The following SVIL variants were observed in gnomAD, a reference collection of about 807,000 sequenced individuals.
The protein encoded by SVIL is supervillin, also known as archvillin.
SVIL carries 101 observed loss-of-function variants against 240.4 expected under a neutral mutation model. The observed-to-expected ratio is 0.42, with a 90% CI of 0.36 to 0.50. SVIL has a LOEUF of 0.50. SVIL is among the 20% of genes least tolerant of loss of function. SVIL has a pLI of 0.01. For synonymous variants in SVIL, 999 were observed against 1,100.0 expected, an observed-to-expected ratio of 0.91 and a Z score of 1.82; for missense variants, 2,512 against 2,818.7, an observed-to-expected ratio of 0.89 and a Z score of 2.46.
intron 32 of SVIL, 72 bp downstream of exon 32, chr10:29,470,204 T>A (rs946593219): frequency 1.3e-6 from 2 of 1,557,866 alleles, no homozygotes; most frequent in African/African-American, 2.7e-5. Context: ...GGAGTCTTGG[T>A]ACCCCTGAGC....
chr10:29,524,077 A>G (rs749696090), intron 14 of SVIL, 50 bp from the exon 15 acceptor site: 5 of 1,501,850 alleles, frequency 3.3e-6, no homozygotes, highest in South Asian at 1.3e-5. Flanking sequence ...AATATCATCT[A>G]TATAAATCCT....
Position 29,473,970 on chromosome 10 carries a change from TC to T in SVIL, c.5396del (p.Gly1799GlufsTer5), listed in dbSNP as rs1374703380. 1 of 1,613,620 alleles carries T rather than the reference TC, an allele frequency of 6.2e-7. No homozygotes were observed. The highest frequency in any genetic ancestry group is 1.3e-5 in the African/African-American group (1 of 74,906). ...TGCCGGCTGCCCTCACCGAGTGCTC[TC>T]CCTTCTGGCGACTTCCCACTGCAAA... ...VSTAVGSRQKGEHSVRAAGKE... is the reference protein window; with the variant it reads ...VSTAVGSRQKXEHSVRAAGKE... On this transcript the variant is annotated frameshift_variant, in exon 30 of 38. Coordinates refer to ENST00000355867, the MANE Select transcript of SVIL (RefSeq NM_021738.3). LOFTEE classifies it high-confidence loss of function.
intron 3 of SVIL, among the ~76,000 whole-genome samples, chr10:29,654,362 A>C (rs1958931938): frequency 6.6e-6 from 1 of 152,116 alleles, no homozygotes; most frequent in Non-Finnish European, 1.5e-5. Flanking sequence ...TATATAACAA[A>C]ATTGATTTTG....
rs1947647798 is a variant in SVIL, at chr10:29,488,536, A to G, written c.4348+65T>C. ...ACAGGCAATGAATTACAGAGTCAGG[A>G]CTCCGTATGGGACCAGACAGAAACC... On this transcript the variant is annotated intron_variant, in intron 23 of 37. Coordinates refer to ENST00000355867, the MANE Select transcript of SVIL (RefSeq NM_021738.3). The G allele has an allele frequency of 4.1e-6, 6 of 1,446,874 alleles. No individual in the cohort carries two copies. In the East Asian group the frequency reaches 1.5e-4, roughly 37 times the overall value. 89.6% of individuals were successfully genotyped at this position (1,446,874 alleles called of 1,614,324 possible). A position where few individuals can be genotyped will look rare whatever the true frequency, so the allele number is the denominator to read the frequency against.
At chr10:29,587,682 G>C (rs1370764102) in intron 1 of SVIL, among the ~76,000 whole-genome samples, 1 of 152,154 alleles carries the variant, frequency 6.6e-6, no homozygotes, top group Non-Finnish European at 1.5e-5. Context: ...AACCTCATCA[G>C]AGGACTCCCA....
Position 29,530,658 on chromosome 10 carries a change from CTTT to C in SVIL, c.2052_2054del (p.Lys685del). On this transcript the variant is annotated inframe_deletion, in exon 11 of 38. Transcript: ENST00000355867. ...CGCTCAGCTTGGCTCGTTCATCCAC[CTTT>C]TCTTCATCTGCAAAAAGCCACAAAT... 6.2e-7 allele frequency: 1 copy of C among 1,614,130 alleles called. No homozygotes were observed. Among genetic ancestry groups the C allele is most frequent in the Non-Finnish European group, 8.5e-7 (1 of 1,179,992 alleles).
intron 11 of SVIL, among the ~76,000 whole-genome samples, chr10:29,530,165 C>A (rs979073325): frequency 5.9e-5 from 9 of 151,902 alleles, no homozygotes; most frequent in African/African-American, 2.2e-4. Flanking sequence ...GAGAGTGAGA[C>A]CCTATCTCTA....
chr10:29,579,968 A>G (rs1454041014), intron 1 of SVIL, among the ~76,000 whole-genome samples: 1 of 152,000 alleles, frequency 6.6e-6, no homozygotes, highest in Non-Finnish European at 1.5e-5. Context: ...GCAGATGAGA[A>G]AACCAGGATA....
chr10:29,492,683 C>T (rs554072601), intron 21 of SVIL, among the ~76,000 whole-genome samples: 1 of 152,268 alleles, frequency 6.6e-6, no homozygotes, highest in South Asian at 2.1e-4. Flanking sequence ...TAGTCATGTT[C>T]CCCTGGGAAG....
chr10:29,502,848 C>T (rs1389169410), intron 17 of SVIL, among the ~76,000 whole-genome samples: 2 of 152,158 alleles, frequency 1.3e-5, no homozygotes, highest in Non-Finnish European at 2.9e-5. Flanking sequence ...GGGTTTCTTT[C>T]TCTCTGTATA....
At chr10:29,712,427 C>A (rs998409644) in intron 1 of SVIL, among the ~76,000 whole-genome samples, 2 of 152,144 alleles carry the variant, frequency 1.3e-5, no homozygotes, top group Admixed American at 1.3e-4. Context: ...GAGCCTGGGA[C>A]CTTCTTCCTC....
chr10:29,486,473 T>C lies in SVIL; in HGVS notation c.4570A>G (p.Asn1524Asp). Reference protein sequence around the residue: ...TYIQTIEEGINTHTHAAKDFW... With the variant: ...TYIQTIEEGIDTHTHAAKDFW... ...TCTTTGGCTGCATGAGTGTGTGTAT[T>C]AATTCCTTCTTCAATGGTTTGGATA... The change falls in exon 25 of 38, where the codon AAT becomes GAT. Residue 1524 changes from asparagine (N) to aspartate (D), a missense_variant. Around this residue, in one of 3 missense-constraint regions of SVIL, gnomAD observed 797 missense variants for 925.3 expected, o/e 0.86. Transcript: ENST00000355867. 1 of 1,614,224 alleles carries C rather than the reference T, an allele frequency of 6.2e-7. No homozygotes were observed. Among genetic ancestry groups the C allele is most frequent in the Non-Finnish European group, 8.5e-7 (1 of 1,180,034 alleles).
intron 1 of SVIL, among the ~76,000 whole-genome samples, chr10:29,718,263 T>G (rs942129613): frequency 1.3e-5 from 2 of 151,656 alleles, no homozygotes; most frequent in Admixed American, 6.6e-5. Flanking sequence ...GAGGTGGAGG[T>G]TGCAGTGAGC....
intron 1 of SVIL, among the ~76,000 whole-genome samples, chr10:29,617,685 C>G (rs1247417): frequency 0.094 from 14,366 of 152,148 alleles, 817 homozygotes; most frequent in Admixed American, 0.14. Flanking sequence ...TCATTGGAAG[C>G]ATCCTTACGA....
intron 1 of SVIL, among the ~76,000 whole-genome samples, chr10:29,603,951 G>A (rs1022195483): frequency 3.9e-5 from 6 of 152,084 alleles, no homozygotes; most frequent in African/African-American, 1.4e-4. Context: ...GTAATTTTTT[G>A]ACTCATGTGA....
chr10:29,691,337 G>T (rs1382304339), intron 1 of SVIL, among the ~76,000 whole-genome samples: 1 of 150,932 alleles, frequency 6.6e-6, no homozygotes, highest in East Asian at 2.0e-4. Flanking sequence ...TCAGCCTCCC[G>T]AGTAGCTGGG....
In SVIL at chr10:29,706,170, T is replaced by C. The variant is rs527511898; in HGVS notation, c.-399-19519A>G. On this transcript the variant is annotated intron_variant, in intron 1 of 35. Coordinates refer to the SVIL transcript ENST00000375400. ...AATGATTTATATTCCTTGGGGTATA[T>C]ATTCAGTAATGGGATTGCTGGGTCA... Among the ~76,000 whole-genome samples the C allele has an allele frequency of 5.3e-5, 8 of 152,328 alleles. No homozygotes were observed. The East Asian group carries it at 1.5e-3, about 29-fold the overall frequency.
At position 29,495,458 on chromosome 10, in the gene SVIL, G is replaced by A. The variant is rs116379157; in HGVS notation, c.3665-277C>T. On this transcript the variant is annotated intron_variant, in intron 18 of 37. Coordinates refer to ENST00000355867, the MANE Select transcript of SVIL (RefSeq NM_021738.3). ...ACGTGGGAAAACATGTCCATGACAC[G>A]TTAACTTGGGCAAATGCAGCTGTGA... is the stretch of plus-strand genomic sequence containing the variant. 5.3e-3 allele frequency among the ~76,000 whole-genome samples: 813 copies of A among 152,326 alleles called. 6 individuals are homozygous for A. Among genetic ancestry groups the A allele is most frequent in the African/African-American group, 0.019 (792 of 41,554 alleles).
At chr10:29,512,959 A>G (rs1438415887) in intron 16 of SVIL, 98 bp from the exon 17 acceptor site, 11 of 1,460,258 alleles carry the variant, frequency 7.5e-6, no homozygotes, top group Non-Finnish European at 1.0e-5. Flanking sequence ...GGGCCAAGAT[A>G]TGACCACAGC....
Sources: allele counts gnomAD v4.1 joint callset (sites outside exome capture counted in the v4.1 genomes callset), GRCh38; gene constraint gnomAD v4.1.1; regional missense constraint gnomAD v4.1.1; transcripts MANE v1.5; gene names NCBI Gene and HGNC (gene_info 2026-07-23, HGNC 2026-07-21).